The following LINGO2 variants were observed in gnomAD, a reference collection of about 807,000 sequenced individuals.
LINGO2 encodes the protein leucine-rich repeat and immunoglobulin-like domain-containing nogo receptor-interacting protein 2.
A neutral mutation model predicts 30.6 loss-of-function variants in LINGO2; 14 were observed. That is an observed-to-expected ratio of 0.46 (90% CI 0.30 to 0.72). The LOEUF (loss-of-function observed/expected upper bound fraction) is 0.72. Among genes scored for constraint, LINGO2 ranks in the 30% least tolerant of loss-of-function variants. The pLI is 0.07. For missense variants in LINGO2, 729 were observed against 751.7 expected (o/e 0.97, Z 0.35); for synonymous variants, 317 against 288.5 (o/e 1.10, Z -1.00).
At chr9:28,475,134 A>G (rs1378074847) in intron 2 of LINGO2, among the ~76,000 whole-genome samples, 1 of 152,126 alleles carries the variant, frequency 6.6e-6, no homozygotes, top group Non-Finnish European at 1.5e-5. Flanking sequence ...AATATGAATA[A>G]TGAACTCCAC....
chr9:28,994,415 A>C, the LINGO2 span, among the ~76,000 whole-genome samples: 1 of 152,102 alleles, frequency 6.6e-6, no homozygotes, highest in East Asian at 1.9e-4. Context: ...GGTAGGAAGA[A>C]TCAATATCGT....
intron 1 of LINGO2, among the ~76,000 whole-genome samples, chr9:28,653,425 C>T (rs1484193081): frequency 2.0e-5 from 3 of 152,114 alleles, no homozygotes; most frequent in Admixed American, 2.0e-4. Context: ...GGCCATAGCC[C>T]AACCCAACAA....
intron 4 of LINGO2, among the ~76,000 whole-genome samples, chr9:28,085,489 A>T (rs981572532): frequency 2.0e-5 from 3 of 152,142 alleles, no homozygotes; most frequent in African/African-American, 7.2e-5. Context: ...CAAGCAGAGT[A>T]ATTGTTTATC....
chr9:27,968,499 A>T (rs1262906363), intron 5 of LINGO2, among the ~76,000 whole-genome samples: 1 of 152,090 alleles, frequency 6.6e-6, no homozygotes, highest in African/African-American at 2.4e-5. Flanking sequence ...ACCTTCATGC[A>T]TAAAGCAAAA....
the LINGO2 span, among the ~76,000 whole-genome samples, chr9:28,794,526 G>A: frequency 6.6e-6 from 1 of 152,286 alleles, no homozygotes; most frequent in South Asian, 2.1e-4. Context: ...ACCAGAGAAG[G>A]GGAATTGTCC....
chr9:28,598,430 AAAAACAAAAC>A (rs1258905118), intron 1 of LINGO2, among the ~76,000 whole-genome samples: 2 of 132,630 alleles, frequency 1.5e-5, no homozygotes, highest in African/African-American at 5.5e-5. Context: ...AAAAAAAAAA[AAAAACAAAAC>A]AAACAAACAA....
At chr9:28,787,007 A>G in the LINGO2 span, among the ~76,000 whole-genome samples, 1 of 152,126 alleles carries the variant, frequency 6.6e-6, no homozygotes, top group Non-Finnish European at 1.5e-5. Flanking sequence ...GTAAGCAAAA[A>G]CATCTTGAAG....
chr9:29,201,271 T>C, the LINGO2 span, among the ~76,000 whole-genome samples: 1 of 152,096 alleles, frequency 6.6e-6, no homozygotes, highest in East Asian at 1.9e-4. Flanking sequence ...CATGTGTTTA[T>C]ATCAGCATGA....
intron 1 of LINGO2, among the ~76,000 whole-genome samples, chr9:28,517,312 G>A (rs978158506): frequency 1.3e-5 from 2 of 152,140 alleles, no homozygotes; most frequent in African/African-American, 4.8e-5. Context: ...TCATTTCAGA[G>A]TTGTGAGATT....
upstream of LINGO2, among the ~76,000 whole-genome samples, chr9:28,672,785 G>C (rs1829071722): frequency 6.6e-6 from 1 of 152,032 alleles, no homozygotes. Context: ...TTTTGTTTAT[G>C]ATCATATTTA....
chr9:27,946,254 G>A (rs749337247), downstream of LINGO2, among the ~76,000 whole-genome samples: 1 of 152,048 alleles, frequency 6.6e-6, no homozygotes, highest in African/African-American at 2.4e-5. Flanking sequence ...TCTAAAGGTG[G>A]TTACAGAATG....
At chr9:28,269,337 A>G (rs10733429) in intron 4 of LINGO2, among the ~76,000 whole-genome samples, 145,222 of 152,138 alleles carry the variant, frequency 0.95, 69,541 homozygotes, top group Middle Eastern at 1. Flanking sequence ...GTGAGTGCCT[A>G]AATGAACTTC....
chr9:28,503,452 T>C (rs567407045), intron 1 of LINGO2, among the ~76,000 whole-genome samples: 14 of 152,162 alleles, frequency 9.2e-5, no homozygotes, highest in African/African-American at 3.4e-4. Context: ...TCATTTAGCA[T>C]CACCTTTAGG....
the LINGO2 span, among the ~76,000 whole-genome samples, chr9:29,201,261 C>A: frequency 1.3e-5 from 2 of 152,038 alleles, no homozygotes; most frequent in Admixed American, 6.6e-5. Flanking sequence ...TTCATTTGAT[C>A]ATGTGTTTAT....
chr9:28,690,546 A>AT, the LINGO2 span, among the ~76,000 whole-genome samples: 1 of 152,286 alleles, frequency 6.6e-6, no homozygotes, highest in African/African-American at 2.4e-5. Context: ...TGTTGTAGTC[A>AT]TTTTCTAGAA....
intron 4 of LINGO2, among the ~76,000 whole-genome samples, chr9:28,235,480 C>A (rs1821529044): frequency 6.6e-6 from 1 of 152,108 alleles, no homozygotes; most frequent in South Asian, 2.1e-4. Context: ...AATAGGACCT[C>A]ATCAAATGAA....
intron 4 of LINGO2, among the ~76,000 whole-genome samples, chr9:28,061,899 A>G (rs1825155916): frequency 6.6e-6 from 1 of 152,152 alleles, no homozygotes; most frequent in Non-Finnish European, 1.5e-5. Context: ...TAGTGTTATA[A>G]GAATTGAAAT....
chr9:28,689,258 C>A, the LINGO2 span, among the ~76,000 whole-genome samples: 1 of 152,068 alleles, frequency 6.6e-6, no homozygotes, highest in Non-Finnish European at 1.5e-5. Context: ...CTAGCTACAG[C>A]CAACAAGAAA....
chr9:28,069,231 G>T (rs1196022401), intron 4 of LINGO2, among the ~76,000 whole-genome samples: 2 of 152,126 alleles, frequency 1.3e-5, no homozygotes, highest in African/African-American at 4.8e-5. Context: ...GGTTCGATAG[G>T]CTGTCAGTTC....
Sources: gnomAD v4.1 joint callset for allele counts (sites outside exome capture counted in the v4.1 genomes callset) on GRCh38, gnomAD v4.1.1 for gene constraint, MANE v1.5 for transcripts, NCBI Gene and HGNC (gene_info 2026-07-23, HGNC 2026-07-21) for gene names.